The following MEIS2 variants were observed in gnomAD, a reference collection of about 807,000 sequenced individuals.
The protein encoded by MEIS2 is homeobox protein Meis2.
Under a neutral mutation model 58.6 loss-of-function variants are expected in MEIS2, and 9 were observed. The observed-to-expected ratio is 0.15, with a 90% confidence interval of 0.09 to 0.27. The LOEUF (loss-of-function observed/expected upper bound fraction) is 0.27, where lower values mean the gene tolerates loss of function less well. Ranked by LOEUF, MEIS2 falls within the 10% of genes least tolerant of loss-of-function variation. The pLI, the probability that MEIS2 is intolerant of heterozygous loss-of-function variation, is 1.00. For missense variants in MEIS2, 427 were observed against 635.0 expected (o/e 0.67, Z 3.52); for synonymous variants, 221 against 228.4 (o/e 0.97, Z 0.29).
intron 8 of MEIS2, among the ~76,000 whole-genome samples, chr15:37,006,526 T>G (rs924221895): frequency 3.1e-4 from 47 of 152,236 alleles, no homozygotes; most frequent in African/African-American, 1.0e-3. Context: ...TATGCAAGTC[T>G]ACTTTAAATC....
At chr15:36,933,748 A>T (rs895566584) in intron 9 of MEIS2, among the ~76,000 whole-genome samples, 11 of 152,068 alleles carry the variant, frequency 7.2e-5, no homozygotes, top group Non-Finnish European at 1.6e-4. Context: ...TATTTATATG[A>T]CTTTCCAAAA....
At chr15:37,056,426 G>C (rs756301869) in intron 7 of MEIS2, among the ~76,000 whole-genome samples, 1 of 152,090 alleles carries the variant, frequency 6.6e-6, no homozygotes, top group Non-Finnish European at 1.5e-5. Flanking sequence ...AGTGCAAAGA[G>C]GGCTAACATT....
intron 9 of MEIS2, among the ~76,000 whole-genome samples, chr15:36,939,093 A>G (rs2058283331): frequency 6.6e-6 from 1 of 152,156 alleles, no homozygotes; most frequent in Non-Finnish European, 1.5e-5. Context: ...TACTATTTCC[A>G]TATGACTACT....
At chr15:36,999,772 C>T (rs1456254171) in intron 8 of MEIS2, among the ~76,000 whole-genome samples, 2 of 152,198 alleles carry the variant, frequency 1.3e-5, no homozygotes, top group Non-Finnish European at 2.9e-5. Flanking sequence ...AATTTAGCTT[C>T]CATTTATTGA....
intron 4 of MEIS2, 26 bp from the exon 5 acceptor site, chr15:37,094,603 G>A (rs374996779): frequency 4.2e-5 from 68 of 1,604,718 alleles, no homozygotes; most frequent in Non-Finnish European, 5.4e-5. Context: ...AGGGAATGGA[G>A]TTAGAGCTCT....
intron 9 of MEIS2, among the ~76,000 whole-genome samples, chr15:36,906,281 G>C (rs1322144944): frequency 1.3e-5 from 2 of 152,110 alleles, no homozygotes; most frequent in Non-Finnish European, 2.9e-5. Flanking sequence ...GCTATGTATA[G>C]GATGAACTGA....
At chr15:36,900,355 C>G (rs2056405269) in intron 9 of MEIS2, among the ~76,000 whole-genome samples, 1 of 152,016 alleles carries the variant, frequency 6.6e-6, no homozygotes, top group South Asian at 2.1e-4. Flanking sequence ...CCTAAAGAGC[C>G]CTAGTTCCAT....
intron 6 of MEIS2, among the ~76,000 whole-genome samples, chr15:37,086,699 A>G (rs1236865327): frequency 6.6e-6 from 1 of 152,190 alleles, no homozygotes; most frequent in Non-Finnish European, 1.5e-5. Flanking sequence ...ATCACACGAT[A>G]GTCATCTGAT....
chr15:37,058,634 G>A (rs1369471285), intron 7 of MEIS2, among the ~76,000 whole-genome samples: 2 of 152,190 alleles, frequency 1.3e-5, no homozygotes, highest in African/African-American at 4.8e-5. Flanking sequence ...AACTTTGCAG[G>A]TCTAAATGAT....
intron 8 of MEIS2, among the ~76,000 whole-genome samples, chr15:37,032,666 G>A (rs921784233): frequency 4.6e-5 from 7 of 152,096 alleles, no homozygotes; most frequent in East Asian, 1.9e-4. Context: ...ATCAACCAAC[G>A]GAAGAGGGTA....
intron 9 of MEIS2, among the ~76,000 whole-genome samples, chr15:36,946,345 C>G (rs887738929): frequency 6.6e-6 from 1 of 151,232 alleles, no homozygotes; most frequent in Non-Finnish European, 1.5e-5. Flanking sequence ...TTCAAAACGC[C>G]TAACCTTCAC....
intron 9 of MEIS2, chr15:36,897,752 C>G (rs1309433549): frequency 6.6e-6 from 1 of 152,186 alleles, no homozygotes; most frequent in African/African-American, 2.4e-5. Flanking sequence ...GCTAGCTTCT[C>G]CCTAAAAATA....
At chr15:37,084,257 G>T (rs2141919990) in intron 6 of MEIS2, among the ~76,000 whole-genome samples, 1 of 151,972 alleles carries the variant, frequency 6.6e-6, no homozygotes, top group African/African-American at 2.4e-5. Context: ...CTTAATTAGG[G>T]TACATTCTAC....
intron 7 of MEIS2, among the ~76,000 whole-genome samples, chr15:37,081,788 A>C (rs1892238871): frequency 6.6e-6 from 1 of 152,180 alleles, no homozygotes; most frequent in Admixed American, 6.5e-5. Flanking sequence ...TGATTAAAGG[A>C]ACAGAATCCT....
chr15:37,073,453 C>G (rs919256379), intron 7 of MEIS2, among the ~76,000 whole-genome samples: 1 of 151,870 alleles, frequency 6.6e-6, no homozygotes, highest in Non-Finnish European at 1.5e-5. Flanking sequence ...AGATAAGGAC[C>G]CTTGTGATTT....
intron 8 of MEIS2, among the ~76,000 whole-genome samples, chr15:36,996,886 A>G (rs7180534): frequency 6.6e-6 from 1 of 152,068 alleles, no homozygotes; most frequent in African/African-American, 2.4e-5. Flanking sequence ...CATATTACAT[A>G]CTTGCATTCA....
intron 7 of MEIS2, among the ~76,000 whole-genome samples, chr15:37,055,316 C>T (rs1385911168): frequency 6.6e-6 from 1 of 152,110 alleles, no homozygotes; most frequent in East Asian, 1.9e-4. Flanking sequence ...TTTTCCTATC[C>T]CTCCTTACTC....
chr15:36,906,091 C>T (rs1479414292), intron 9 of MEIS2, among the ~76,000 whole-genome samples: 2 of 152,118 alleles, frequency 1.3e-5, no homozygotes, highest in African/African-American at 4.8e-5. Flanking sequence ...AGACCGGGGC[C>T]GATGTTGTGC....
chr15:36,939,317 A>T (rs2058292228), intron 9 of MEIS2, among the ~76,000 whole-genome samples: 1 of 152,182 alleles, frequency 6.6e-6, no homozygotes, highest in Non-Finnish European at 1.5e-5. Flanking sequence ...TTTGTCACAT[A>T]AAAGGCAGAA....
Sources: allele counts gnomAD v4.1 joint callset (sites outside exome capture counted in the v4.1 genomes callset), GRCh38; gene constraint gnomAD v4.1.1; transcripts MANE v1.5; gene names NCBI Gene and HGNC (gene_info 2026-07-23, HGNC 2026-07-21).